Variants in BIN3 observed in about 807,000 individuals in gnomAD.
The protein encoded by BIN3 is bridging integrator 3.
Under a neutral mutation model 38.2 loss-of-function variants are expected in BIN3, and 41 were observed. That is an observed-to-expected ratio of 1.07 (90% CI 0.84 to 1.39). BIN3 has a LOEUF of 1.39. Ranked by LOEUF, BIN3 falls within the 40% of genes most tolerant of loss-of-function variation. The pLI, the probability that BIN3 is intolerant of heterozygous loss-of-function variation, is 0.00. For synonymous variants in BIN3, 145 were observed against 122.6 expected, an observed-to-expected ratio of 1.18 and a Z score of -1.21; for missense variants, 361 against 324.3, an observed-to-expected ratio of 1.11 and a Z score of -0.87.
chr8:22,632,302 C>T (rs773821705), intron 4 of BIN3, among the ~76,000 whole-genome samples: 3 of 152,186 alleles, frequency 2.0e-5, no homozygotes, highest in East Asian at 1.9e-4. Context: ...GGTCTGCCTC[C>T]GCCAGGCCCC....
At chr8:22,658,875 G>T (rs533902007) in intron 1 of BIN3, among the ~76,000 whole-genome samples, 1 of 152,320 alleles carries the variant, frequency 6.6e-6, no homozygotes, top group Non-Finnish European at 1.5e-5. Context: ...CTGGCTCCCC[G>T]GTGAGTGGTC....
chr8:22,643,078 T>C (rs1197378368), intron 2 of BIN3, among the ~76,000 whole-genome samples: 1 of 152,202 alleles, frequency 6.6e-6, no homozygotes, highest in African/African-American at 2.4e-5. Context: ...GGGAGGGTTT[T>C]TGTTTGTAGT....
chr8:22,665,069 G>C (rs1029494377), intron 1 of BIN3, among the ~76,000 whole-genome samples: 2 of 152,188 alleles, frequency 1.3e-5, no homozygotes, highest in Non-Finnish European at 2.9e-5. Flanking sequence ...GTGTACGTCT[G>C]TGATACTCAG....
chr8:22,624,124 T>C, intron 7 of BIN3, 75 bp from the exon 8 acceptor site: 2 of 1,588,770 alleles, frequency 1.3e-6, no homozygotes, highest in Non-Finnish European at 8.6e-7. Flanking sequence ...GGTGGGGACG[T>C]CTGGTGTCTT....
In BIN3 at chr8:22,647,580, A is replaced by C. The variant is rs7459660; in HGVS notation, c.9-2777T>G. ...AAAACACCTAGTCTCAAAGTCCTACAGAATTCCAAGGGGCTCATTGTTCTT... is the reference window on the plus strand; with the variant it reads ...AAAACACCTAGTCTCAAAGTCCTACCGAATTCCAAGGGGCTCATTGTTCTT... On this transcript the variant is annotated intron_variant, in intron 1 of 8. Coordinates refer to ENST00000276416, the MANE Select transcript of BIN3 (RefSeq NM_018688.6). Among the ~76,000 whole-genome samples, 8 of 152,178 alleles carry C rather than the reference A, an allele frequency of 5.3e-5. No homozygotes were observed. In the East Asian group the frequency reaches 5.8e-4, roughly 11 times the overall value.
intron 8 of BIN3, chr8:22,622,813 G>C (rs143442215): frequency 6.6e-6 from 1 of 152,378 alleles, no homozygotes; most frequent in East Asian, 1.9e-4. Flanking sequence ...CGCTGCAGGA[G>C]CAAGTGTCAG....
rs771166148 is a variant in BIN3, at chr8:22,621,585, G to T, written c.616-17C>A. On this transcript the variant is annotated splice_polypyrimidine_tract_variant and intron_variant, in intron 8 of 8. Coordinates refer to ENST00000276416, the MANE Select transcript of BIN3 (RefSeq NM_018688.6). The stretch of plus-strand genomic sequence containing the variant: ...GTACACAACCTGGGGGAGGCGACAG[G>T]GGTTGGCACGTGCTGGCTCCAGGGA... 5 of 1,607,498 alleles carry T rather than the reference G, an allele frequency of 3.1e-6. No individual in the cohort carries two copies. The Admixed American group carries it at 8.4e-5, about 27-fold the overall frequency.
chr8:22,639,218 T>C (rs12334545), intron 2 of BIN3, among the ~76,000 whole-genome samples: 5,898 of 152,188 alleles, frequency 0.039, 127 homozygotes, highest in Middle Eastern at 0.068. Context: ...CTGTGGAGAC[T>C]TGATAGTACT....
At chr8:22,631,088 C>T (rs1367171008) in intron 4 of BIN3, among the ~76,000 whole-genome samples, 1 of 152,124 alleles carries the variant, frequency 6.6e-6, no homozygotes, top group Non-Finnish European at 1.5e-5. Context: ...CTCAACTCTG[C>T]CTTGTGCTGT....
At chr8:22,663,229 T>TGA (rs1554471005) in intron 1 of BIN3, among the ~76,000 whole-genome samples, 2 of 150,072 alleles carry the variant, frequency 1.3e-5, no homozygotes, top group East Asian at 2.0e-4. Flanking sequence ...TGTGTGTGTG[T>TGA]GAGTTGTGAT....
At chr8:22,624,981 G>A (rs1801960127) in intron 6 of BIN3, 1 of 304,424 alleles carries the variant, frequency 3.3e-6, no homozygotes, top group Non-Finnish European at 6.2e-6. Context: ...CCCTGCCCCA[G>A]GGCACCTTCT....
At chr8:22,634,784 T>C (rs1802316815) in intron 4 of BIN3, among the ~76,000 whole-genome samples, 1 of 151,766 alleles carries the variant, frequency 6.6e-6, no homozygotes, top group African/African-American at 2.4e-5. Flanking sequence ...TCTAGTTTGG[T>C]GGCGGGCACG....
In BIN3 at chr8:22,624,047, T is replaced by C. The variant is rs368846772; in HGVS notation, c.483A>G (p.Ala161=). 1.0e-5 allele frequency: 16 copies of C among 1,549,446 alleles called. No homozygotes were observed. Among genetic ancestry groups the C allele is most frequent in the Non-Finnish European group, 1.4e-5 (16 of 1,141,132 alleles). ...CCCGCACAGGCCGCAGCTCCTCTCG[T>C]GCCTAGGGAACAAGACCTGGGTGTC... ...TGPVLAKLHQ[A]REELRPVRED... The change falls in exon 8 of 9, where the codon GCA becomes GCG. Residue 161 remains alanine (A), a splice_region_variant and synonymous_variant. Transcript: ENST00000276416.
At chr8:22,638,335 G>C (rs1360428846) in intron 2 of BIN3, among the ~76,000 whole-genome samples, 1 of 152,244 alleles carries the variant, frequency 6.6e-6, no homozygotes, top group Admixed American at 6.5e-5. Context: ...GAAGCCCAGA[G>C]ACAGGAGTGA....
chr8:22,628,421 G>C (rs10113779), intron 6 of BIN3, among the ~76,000 whole-genome samples: 56,294 of 152,100 alleles, frequency 0.37, 10,658 homozygotes, highest in South Asian at 0.51. Flanking sequence ...TATGTGGTTG[G>C]GGGAGATCGT....
At chr8:22,652,638 T>A (rs542024403) in intron 1 of BIN3, among the ~76,000 whole-genome samples, 2 of 152,248 alleles carry the variant, frequency 1.3e-5, no homozygotes, top group South Asian at 4.1e-4. Flanking sequence ...CAGAGGCGGG[T>A]TTGAAGTTTA....
At position 22,630,481 on chromosome 8, in the gene BIN3, G is replaced by C. The variant is rs368613631; in HGVS notation, c.258C>G (p.Asp86Glu). The C allele has an allele frequency of 2.5e-6, 4 of 1,613,916 alleles. No individual in the cohort carries two copies. The African/African-American group carries it at 5.3e-5, about 22-fold the overall frequency. ...AGGCATCCATCCGCTTCATGGCCGT[G>C]TCCAGGGCCGTCACCATGTTCAGAA... Reference protein sequence around the residue: ...QDLLNMVTALDTAMKRMDAFN... With the variant: ...QDLLNMVTALETAMKRMDAFN... The change falls in exon 5 of 9, where the codon GAC becomes GAG. Residue 86 changes from aspartate (D) to glutamate (E), a missense_variant. Physicochemically the swap from Asp to Glu is conservative, Grantham distance 45 (BLOSUM62 2). Transcript: ENST00000276416.
At chr8:22,656,600 G>GA (rs777157030) in intron 1 of BIN3, among the ~76,000 whole-genome samples, 1 of 152,154 alleles carries the variant, frequency 6.6e-6, no homozygotes, top group Non-Finnish European at 1.5e-5. Context: ...TGAAGTTATA[G>GA]AAAATGTTTC....
chr8:22,625,483 C>A, intron 6 of BIN3: 1 of 695,302 alleles, frequency 1.4e-6, no homozygotes, highest in Non-Finnish European at 2.6e-6. Context: ...AGACTGGGAT[C>A]ATAGGCACTC....
Sources: allele counts gnomAD v4.1 joint callset (sites outside exome capture counted in the v4.1 genomes callset), GRCh38; gene constraint gnomAD v4.1.1; transcripts MANE v1.5; gene names NCBI Gene and HGNC (gene_info 2026-07-23, HGNC 2026-07-21).